The following ENTPD7 variants were observed in gnomAD, a reference collection of about 807,000 sequenced individuals.
ENTPD7 encodes ectonucleoside triphosphate diphosphohydrolase 7, also known as NTPDase 7.
Under a neutral mutation model 77.9 loss-of-function variants are expected in ENTPD7, and 53 were observed. The ratio of observed to expected loss-of-function variants is 0.68; its 90% CI spans 0.55 to 0.85. The LOEUF (loss-of-function observed/expected upper bound fraction) is 0.85. Among genes scored for constraint, ENTPD7 ranks in the 40% least tolerant of loss-of-function variants. The pLI, the probability that ENTPD7 is intolerant of heterozygous loss-of-function variation, is 0.00. For missense variants in ENTPD7, 636 were observed against 743.7 expected, an observed-to-expected ratio of 0.86 and a Z score of 1.68; for synonymous variants, 248 against 274.9, an observed-to-expected ratio of 0.90 and a Z score of 0.97.
In ENTPD7 at chr10:99,660,536, A is replaced by G. The variant is rs1392147167; in HGVS notation, c.8+572A>G. 2.8e-3 allele frequency: 860 copies of G among 308,110 alleles called. 5 individuals are homozygous for G. The highest frequency in any genetic ancestry group is 3.5e-3 in the Non-Finnish European group (539 of 154,708). The allele number at this position is 308,110 out of a possible 1,614,324, so 19.1% of individuals were successfully genotyped here. ...CGAGGGAATGGATACGCACACACAC[A>G]CACACACACACACACACACACACAC... On this transcript the variant is annotated intron_variant, in intron 2 of 12. Transcript: ENST00000370489.
In ENTPD7 at chr10:99,709,933, C is replaced by T. The variant is rs1432490214; in HGVS notation, c.*5250C>T. 21 of 985,332 alleles carry T rather than the reference C, an allele frequency of 2.1e-5. No homozygotes were observed. The highest frequency in any genetic ancestry group is 2.5e-5 in the Non-Finnish European group (21 of 829,830). 61.0% of individuals were successfully genotyped at this position (985,332 alleles called of 1,614,324 possible). On this transcript the variant is annotated 3_prime_UTR_variant, in exon 13 of 13. Coordinates refer to ENST00000370489, the MANE Select transcript of ENTPD7 (RefSeq NM_020354.5). ...GATCCTTTTATTAGTAAAACTGAAT[C>T]ATTACTCATACTACAAGGGCTTTCA...
At chr10:99,691,162 A>AT (rs2035877876) in intron 7 of ENTPD7, among the ~76,000 whole-genome samples, 28 of 151,208 alleles carry the variant, frequency 1.9e-4, no homozygotes, top group South Asian at 4.2e-4. Context: ...AATTAAAAAA[A>AT]ATTTTTTTTT....
chr10:99,707,702 T>TCA lies in ENTPD7; in HGVS notation c.*3019_*3020insCA, dbSNP rs1167146243. Among the ~76,000 whole-genome samples, 3 of 152,364 alleles carry TCA rather than the reference T, an allele frequency of 2.0e-5. No individual in the cohort carries two copies. The highest frequency in any genetic ancestry group is 7.2e-5 in the African/African-American group (3 of 41,586). ...CATCAAAATAGGAGTCCGTGGCTTG[T>TCA]AGTGATGCTTTTTAGTCTTGTGATA... On this transcript the variant is annotated 3_prime_UTR_variant, in exon 13 of 13. Transcript: ENST00000370489.
rs1201489831 is a variant in ENTPD7 at position 99,711,128 on chromosome 10, C to T, written c.*6445C>T. On this transcript the variant is annotated 3_prime_UTR_variant, in exon 13 of 13. Coordinates refer to ENST00000370489, the MANE Select transcript of ENTPD7 (RefSeq NM_020354.5). ...AAAAAAACCCTAAGATAATCATTCA[C>T]CAGAAGCTCATAGATATAATACAGT... The T allele has an allele frequency of 4.1e-6, 4 of 984,710 alleles. No individual in the cohort carries two copies. Among genetic ancestry groups the T allele is most frequent in the Non-Finnish European group, 4.8e-6 (4 of 829,602 alleles). The allele number at this position is 984,710 out of a possible 1,614,324, so 61.0% of individuals were successfully genotyped here.
At chr10:99,669,963 A>T (rs947875843) in intron 3 of ENTPD7, among the ~76,000 whole-genome samples, 2 of 151,918 alleles carry the variant, frequency 1.3e-5, no homozygotes, top group East Asian at 3.9e-4. Context: ...GTTAGCCAGG[A>T]TGGTCTTGAT....
At chr10:99,679,125 A>G (rs912699300) in intron 3 of ENTPD7, 136 bp from the exon 4 acceptor site, 5 of 738,012 alleles carry the variant, frequency 6.8e-6, no homozygotes, top group African/African-American at 5.4e-5. Flanking sequence ...TGCTTCACTC[A>G]TTGGTTAGGA....
chr10:99,660,040 G>C, intron 2 of ENTPD7, 76 bp downstream of exon 2: 1 of 1,607,526 alleles, frequency 6.2e-7, no homozygotes, highest in Non-Finnish European at 8.5e-7. Context: ...CTGGGAGGCT[G>C]TCCCAAGTGA....
At chr10:99,661,656 A>G (rs2035489319) in intron 3 of ENTPD7, 28 bp downstream of exon 3, 1 of 1,570,208 alleles carries the variant, frequency 6.4e-7, no homozygotes, top group African/African-American at 1.4e-5. Flanking sequence ...TTTGGCACTC[A>G]AGTCATAAAT....
Position 99,661,550 on chromosome 10 carries a change from C to A in ENTPD7, c.113C>A (p.Ser38Tyr). The A allele has an allele frequency of 6.2e-7, 1 of 1,613,950 alleles. No homozygotes were observed. Among genetic ancestry groups the A allele is most frequent in the East Asian group, 2.2e-5 (1 of 44,870 alleles). ...RVAFLGLFFI[S>Y]CLLLLMLIID... ...GCATTCCTGGGACTCTTCTTCATAT[C>A]CTGTCTCCTTTTACTTATGTTAATC... is the stretch of plus-strand genomic sequence containing the variant. Residue 38 changes from serine (S) to tyrosine (Y), a missense_variant, in exon 3 of 13, where the codon TCC (serine) becomes TAC (tyrosine). Around this residue, in one of 3 missense-constraint regions of ENTPD7, gnomAD observed 486 missense variants for 556.5 expected, o/e 0.87. Transcript: ENST00000370489.
At chr10:99,667,037 T>A (rs879498251) in intron 3 of ENTPD7, among the ~76,000 whole-genome samples, 8 of 152,226 alleles carry the variant, frequency 5.3e-5, no homozygotes, top group Non-Finnish European at 1.0e-4. Context: ...CTGATAATTC[T>A]TGTCTATCAC....
At chr10:99,662,909 A>T (rs1329941723) in intron 3 of ENTPD7, among the ~76,000 whole-genome samples, 1 of 152,250 alleles carries the variant, frequency 6.6e-6, no homozygotes, top group Non-Finnish European at 1.5e-5. Flanking sequence ...TTGTGTGCCA[A>T]CACCAAGGTT....
At chr10:99,668,334 G>A (rs1409769129) in intron 3 of ENTPD7, among the ~76,000 whole-genome samples, 3 of 152,150 alleles carry the variant, frequency 2.0e-5, no homozygotes, top group Admixed American at 2.0e-4. Context: ...TTCTCAAGGT[G>A]AATCTAATAT....
At chr10:99,661,319 GA>G in intron 2 of ENTPD7, 126 bp from the exon 3 acceptor site, 1 of 728,386 alleles carries the variant, frequency 1.4e-6, no homozygotes, top group Non-Finnish European at 2.1e-6. Context: ...GAGATGACAA[GA>G]ACATTTAGAC....
Position 99,704,589 on chromosome 10 carries a change from G to T in ENTPD7, c.1721G>T (p.Arg574Leu). The change falls in exon 13 of 13, where the codon CGA becomes CTA. Residue 574 changes from arginine to leucine, a missense_variant. Arg to Leu is a moderately radical substitution (Grantham distance 102). This residue lies in a region of ENTPD7 where 138 missense variants were observed against 150.9 expected (regional missense o/e 0.91). Transcript: ENST00000370489. ...TTCCTATACCTTCTGCGGCTACGCC[G>T]AATTCACCACCGACAAACACGAGCC... ...AIFLYLLRLRRIHHRQTRASA... is the reference protein window; with the variant it reads ...AIFLYLLRLRLIHHRQTRASA... 6.2e-7 allele frequency: 1 copy of T among 1,614,112 alleles called. No individual in the cohort carries two copies. Among genetic ancestry groups the T allele is most frequent in the African/African-American group, 1.3e-5 (1 of 75,020 alleles).
Position 99,668,774 on chromosome 10 carries a change from A to G in ENTPD7, c.191+7146A>G, listed in dbSNP as rs949544554. Among the ~76,000 whole-genome samples the G allele has an allele frequency of 3.9e-5, 6 of 152,230 alleles. No individual in the cohort carries two copies. In the East Asian group the frequency reaches 1.2e-3, roughly 29 times the overall value. ...ATTGGTAGAAACACTTGCTACCTTA[A>G]TTTAACAGCTTAAAAAAGTTTTAAC... On this transcript the variant is annotated intron_variant, in intron 3 of 12. Coordinates refer to ENST00000370489, the MANE Select transcript of ENTPD7 (RefSeq NM_020354.5).
intron 3 of ENTPD7, among the ~76,000 whole-genome samples, chr10:99,663,921 A>G (rs1003482923): frequency 2.0e-5 from 3 of 151,870 alleles, no homozygotes; most frequent in African/African-American, 7.3e-5. Flanking sequence ...ATATTGAACT[A>G]TGTGATGTTT....
intron 7 of ENTPD7, among the ~76,000 whole-genome samples, chr10:99,689,666 G>C (rs765324836): frequency 6.6e-6 from 1 of 152,158 alleles, no homozygotes; most frequent in African/African-American, 2.4e-5. Flanking sequence ...GTCATGCTCA[G>C]ACTGATCAGG....
chr10:99,698,246 C>T (rs1484282579), intron 9 of ENTPD7, among the ~76,000 whole-genome samples: 1 of 152,154 alleles, frequency 6.6e-6, no homozygotes, highest in East Asian at 1.9e-4. Flanking sequence ...GGAATGAAGA[C>T]CAGATGGAGA....
At chr10:99,672,664 G>A (rs1365773238) in intron 3 of ENTPD7, among the ~76,000 whole-genome samples, 1 of 152,144 alleles carries the variant, frequency 6.6e-6, no homozygotes, top group African/African-American at 2.4e-5. Flanking sequence ...GTTCCTGACT[G>A]CTCTGATTAA....
Sources: gnomAD v4.1 joint callset for allele counts (sites outside exome capture counted in the v4.1 genomes callset) on GRCh38, gnomAD v4.1.1 for gene constraint, gnomAD v4.1.1 regional missense constraint, MANE v1.5 for transcripts, NCBI Gene and HGNC (gene_info 2026-07-23, HGNC 2026-07-21) for gene names.